Variants in KRT7 observed in about 807,000 individuals in gnomAD.
KRT7 encodes the protein keratin, type II cytoskeletal 7.
KRT7 carries 50 observed loss-of-function variants against 42.8 expected under a neutral mutation model. The observed-to-expected ratio is 1.17, with a 90% confidence interval of 0.93 to 1.48. The LOEUF is 1.48. KRT7 is among the 40% of genes most tolerant of loss of function. The pLI is 0.00. For missense variants in KRT7, 588 were observed against 637.6 expected, an observed-to-expected ratio of 0.92 and a Z score of 0.84; for synonymous variants, 268 against 266.3, an observed-to-expected ratio of 1.01 and a Z score of -0.06.
At chr12:52,244,238 C>A in intron 6 of KRT7, 1 of 827,446 alleles carries the variant, frequency 1.2e-6, no homozygotes, top group Non-Finnish European at 1.5e-6. Flanking sequence ...TGCCTTGGGG[C>A]ACAGAGGCAG....
In KRT7 at chr12:52,248,692, G is replaced by T. The variant is rs1352954669; in HGVS notation, c.1342G>T (p.Gly448Cys). ...SNALSFSSSAGPGLLKAYSIR... is the reference protein window; with the variant it reads ...SNALSFSSSACPGLLKAYSIR... ...TGCCCTGAGCTTCTCCAGCAGTGCG[G>T]GTCCTGGGCTCCTGAAGGCTTATTC... The change falls in exon 9 of 9, where the codon GGT becomes TGT. Residue 448 changes from glycine to cysteine, a missense_variant. Transcript: ENST00000331817. 4 of 1,613,122 alleles carry T rather than the reference G, an allele frequency of 2.5e-6. No individual in the cohort carries two copies. Among genetic ancestry groups the T allele is most frequent in the Non-Finnish European group, 3.4e-6 (4 of 1,179,668 alleles).
intron 4 of KRT7, among the ~76,000 whole-genome samples, chr12:52,239,837 CG>C (rs1176113507): frequency 6.6e-6 from 1 of 152,166 alleles, no homozygotes; most frequent in African/African-American, 2.4e-5. Context: ...CCTTGTCCTC[CG>C]GGGTTTCCAG....
downstream of KRT7, chr12:52,253,769 C>T: frequency 1.2e-6 from 1 of 849,878 alleles, no homozygotes; most frequent in Non-Finnish European, 1.8e-6. Context: ...GGATCTCCTG[C>T]AGGAGATGGG....
rs1592390627 is a variant in KRT7 at position 52,238,841 on chromosome 12, C to A, written c.693+66C>A. 6.2e-6 allele frequency: 6 copies of A among 964,660 alleles called. No homozygotes were observed. In the East Asian group the frequency reaches 1.5e-4, roughly 24 times the overall value. 59.8% of individuals were successfully genotyped at this position (964,660 alleles called of 1,614,324 possible). ...ATTCTAACCAGGGAGCCATCTGGTC[C>A]AGCCCCCCGCCTCTGTGTCAGTCCA... On this transcript the variant is annotated intron_variant, in intron 4 of 8. Coordinates refer to ENST00000331817, the MANE Select transcript of KRT7 (RefSeq NM_005556.4).
downstream of KRT7, chr12:52,251,844 A>G (rs1285016908): frequency 4.9e-5 from 18 of 367,992 alleles, no homozygotes; most frequent in South Asian, 3.6e-4. Flanking sequence ...ACCCAGTCAT[A>G]CCGCTTCCTT....
intron 4 of KRT7, among the ~76,000 whole-genome samples, chr12:52,239,070 A>G (rs535031651): frequency 9.9e-5 from 15 of 152,256 alleles, no homozygotes; most frequent in South Asian, 6.2e-4. Flanking sequence ...GCTGAGTACT[A>G]TGGGGTCACG....
At chr12:52,250,724 C>T (rs1247578976), downstream of KRT7, 4 of 470,674 alleles carry the variant, frequency 8.5e-6, no homozygotes, top group East Asian at 1.2e-4. Context: ...TGTTTCTATG[C>T]GCGCCCCTCA....
Position 52,245,605 on chromosome 12 carries a change from G to T in KRT7, c.1178G>T (p.Arg393Leu). The change falls in exon 7 of 9, where the codon CGC becomes CTC. Residue 393 changes from arginine (R) to leucine (L), a missense_variant. Arg to Leu is a moderately radical substitution (Grantham distance 102, BLOSUM62 -2). Transcript: ENST00000331817. ...CTGGACATCGAGATCGCCACCTACCGCAAGCTGCTGGAGGGCGAGGAGAGC... is the reference window on the plus strand; with the variant it reads ...CTGGACATCGAGATCGCCACCTACCTCAAGCTGCTGGAGGGCGAGGAGAGC... ...LALDIEIATYRKLLEGEESRL... is the reference protein window; with the variant it reads ...LALDIEIATYLKLLEGEESRL... 1.2e-6 allele frequency: 2 copies of T among 1,613,808 alleles called. No homozygotes were observed. Among genetic ancestry groups the T allele is most frequent in the Non-Finnish European group, 1.7e-6 (2 of 1,180,030 alleles).
At chr12:52,254,590 G>T (rs1026734602), downstream of KRT7, among the ~76,000 whole-genome samples, 1 of 152,166 alleles carries the variant, frequency 6.6e-6, no homozygotes, top group Non-Finnish European at 1.5e-5. Context: ...GAGGTTTGCA[G>T]GTACTTCCTC....
Position 52,245,578 on chromosome 12 carries a change from C to T in KRT7, c.1151C>T (p.Ala384Val), listed in dbSNP as rs749665916. The change falls in exon 7 of 9, where the codon GCC becomes GTC. Residue 384 changes from alanine (A) to valine (V), a missense_variant. Physicochemically the swap from Ala to Val is moderately conservative, Grantham distance 64. Transcript: ENST00000331817. ...EYQELMSVKL[A>V]LDIEIATYRK... ...CAGGAACTCATGAGCGTGAAGCTGG[C>T]CCTGGACATCGAGATCGCCACCTAC... is the stretch of plus-strand genomic sequence containing the variant. The T allele has an allele frequency of 9.9e-6, 16 of 1,614,018 alleles. No individual in the cohort carries two copies. The highest frequency in any genetic ancestry group is 1.0e-5 in the Non-Finnish European group (12 of 1,180,030).
chr12:52,250,602 A>C, downstream of KRT7: 1 of 1,182,834 alleles, frequency 8.5e-7, no homozygotes, highest in Non-Finnish European at 1.2e-6. Flanking sequence ...CGACACGCAC[A>C]GGTCCCCGCA....
At chr12:52,239,511 C>G (rs560685395) in intron 4 of KRT7, among the ~76,000 whole-genome samples, 1 of 152,262 alleles carries the variant, frequency 6.6e-6, no homozygotes, top group South Asian at 2.1e-4. Flanking sequence ...CTTCTGGACT[C>G]AGGAATTCAG....
intron 6 of KRT7, chr12:52,244,654 G>A: frequency 1.0e-6 from 1 of 985,578 alleles, no homozygotes; most frequent in Non-Finnish European, 1.2e-6. Context: ...CAGGGATGGT[G>A]GTTTTCTGAG....
At chr12:52,247,762 C>T (rs771850968) in intron 7 of KRT7, 15 of 208,628 alleles carry the variant, frequency 7.2e-5, no homozygotes, top group Admixed American at 1.6e-4. Context: ...ATCAATAGGC[C>T]ACAGACACCT....
downstream of KRT7, chr12:52,253,675 T>G: frequency 1.4e-6 from 2 of 1,474,664 alleles, no homozygotes; most frequent in Non-Finnish European, 1.8e-6. Flanking sequence ...TTGATCTCAG[T>G]GATGACACAG....
At chr12:52,254,295 C>T (rs541182091), downstream of KRT7, 405 of 982,830 alleles carry the variant, frequency 4.1e-4, 4 homozygotes, top group South Asian at 4.0e-3. Flanking sequence ...CTCAGGAAGT[C>T]GATCTCCTGG....
At chr12:52,240,923 C>A (rs1942078512) in intron 4 of KRT7, among the ~76,000 whole-genome samples, 1 of 150,322 alleles carries the variant, frequency 6.7e-6, no homozygotes, top group Non-Finnish European at 1.5e-5. Context: ...TCACTCCCCC[C>A]TCCCCCCACG....
At chr12:52,249,567 C>T (rs981792032), downstream of KRT7, 55 of 152,346 alleles carry the variant, frequency 3.6e-4, no homozygotes, top group African/African-American at 1.3e-3. Context: ...GGAAGGACAT[C>T]TGTGTTAAGT....
chr12:52,233,319 C>T lies in KRT7; in HGVS notation c.23C>T (p.Pro8Leu), dbSNP rs11558305. ...ACCATGTCCATCCACTTCAGCTCCC[C>T]GGTATTCACCTCGCGCTCAGCCGCC... MSIHFSSPVFTSRSAAFS... is the reference protein window; with the variant it reads MSIHFSSLVFTSRSAAFS... The change falls in exon 1 of 9, where the codon CCG (proline) becomes CTG (leucine). Residue 8 changes from proline to leucine, a missense_variant. By Grantham distance (98) the Pro-to-Leu change is moderately conservative. Transcript: ENST00000331817. 7.0e-6 allele frequency: 11 copies of T among 1,569,310 alleles called. No homozygotes were observed. Among genetic ancestry groups the T allele is most frequent in the Non-Finnish European group, 8.6e-6 (10 of 1,163,280 alleles).
Sources: allele counts gnomAD v4.1 joint callset (sites outside exome capture counted in the v4.1 genomes callset), GRCh38; gene constraint gnomAD v4.1.1; transcripts MANE v1.5; gene names NCBI Gene and HGNC (gene_info 2026-07-23, HGNC 2026-07-21).